The following STK3 variants were observed in gnomAD, a reference collection of about 807,000 sequenced individuals.
STK3 encodes serine/threonine kinase 3.
A neutral mutation model predicts 58.0 loss-of-function variants in STK3; 41 were observed. The ratio of observed to expected loss-of-function variants is 0.71; its 90% CI spans 0.55 to 0.92. STK3 has a LOEUF of 0.92. Ranked by LOEUF, STK3 falls within the 40% of genes least tolerant of loss-of-function variation. STK3 has a pLI of 0.00. For synonymous variants in STK3, 170 were observed against 191.0 expected (o/e 0.89, Z 0.91); for missense variants, 479 against 602.7 (o/e 0.79, Z 2.15).
intron 3 of STK3, among the ~76,000 whole-genome samples, chr8:98,843,937 A>T (rs1018474430): frequency 6.6e-6 from 1 of 152,236 alleles, no homozygotes; most frequent in African/African-American, 2.4e-5. Context: ...GAGTGGGAGT[A>T]TCGCTTGAGC....
At chr8:98,419,825 T>G (rs960122467) in intron 3 of STK3, among the ~76,000 whole-genome samples, 5 of 152,292 alleles carry the variant, frequency 3.3e-5, no homozygotes, top group African/African-American at 1.2e-4. Flanking sequence ...AGAGGTGAAG[T>G]CTGCCACTTT....
intron 9 of STK3, among the ~76,000 whole-genome samples, chr8:98,544,994 C>T (rs182936720): frequency 5.9e-5 from 9 of 152,236 alleles, no homozygotes; most frequent in South Asian, 2.1e-4. Context: ...CTGAGTAGAT[C>T]TGAGCTGAAC....
At chr8:98,554,880 T>C (rs899631483) in intron 8 of STK3, among the ~76,000 whole-genome samples, 7 of 152,150 alleles carry the variant, frequency 4.6e-5, no homozygotes, top group Non-Finnish European at 7.4e-5. Context: ...TAATGAAACA[T>C]TTATGTTTTT....
In STK3 at chr8:98,613,304, T is replaced by C. The variant is rs73275885; in HGVS notation, c.685-17135A>G. Among the ~76,000 whole-genome samples the C allele has an allele frequency of 6.4e-3, 981 of 152,140 alleles. 6 individuals carry two copies. The highest frequency in any genetic ancestry group is 0.024 in the Middle Eastern group (7 of 294). ...AATATAATGGGGAAATAGGTCCTGT[T>C]TTCAACCAAAAATTACTCATCAGAC... On this transcript the variant is annotated intron_variant, in intron 6 of 10. Transcript: ENST00000419617.
At chr8:98,583,885 G>C (rs1426965772) in intron 7 of STK3, among the ~76,000 whole-genome samples, 1 of 151,768 alleles carries the variant, frequency 6.6e-6, no homozygotes, top group Non-Finnish European at 1.5e-5. Context: ...AAGAGAGACA[G>C]AGAGAAGAAA....
chr8:98,537,898 G>A (rs1419717245), intron 9 of STK3, among the ~76,000 whole-genome samples: 6 of 151,998 alleles, frequency 3.9e-5, no homozygotes, highest in Admixed American at 2.6e-4. Flanking sequence ...TAAATTGTGA[G>A]AAATATAATA....
intron 10 of STK3, among the ~76,000 whole-genome samples, chr8:98,480,159 G>C (rs146126483): frequency 6.6e-6 from 1 of 152,086 alleles, no homozygotes; most frequent in African/African-American, 2.4e-5. Flanking sequence ...GCTAAAAACA[G>C]TCCTAAATTT....
At chr8:98,407,818 G>GA (rs1818013580) in intron 3 of STK3, among the ~76,000 whole-genome samples, 1 of 152,018 alleles carries the variant, frequency 6.6e-6, no homozygotes, top group South Asian at 2.1e-4. Context: ...CTGATTGAGG[G>GA]AAAAGCTTTA....
chr8:98,400,630 C>A (rs1817933028), downstream of STK3, among the ~76,000 whole-genome samples: 1 of 152,190 alleles, frequency 6.6e-6, no homozygotes, highest in Non-Finnish European at 1.5e-5. Flanking sequence ...TAACATTTTT[C>A]TTTCTGGCTT....
Position 98,651,266 on chromosome 8 carries a change from C to T in STK3, c.685-55097G>A, listed in dbSNP as rs377754315. On this transcript the variant is annotated intron_variant, in intron 6 of 10. Transcript: ENST00000419617. ...TGGACCTCTAGCAAACTCCAACACA[C>T]CTGCAGCTGAGGGTCCTGTCTGTAG... is the stretch of plus-strand genomic sequence containing the variant. Among the ~76,000 whole-genome samples, 10 of 152,342 alleles carry T rather than the reference C, an allele frequency of 6.6e-5. No homozygotes were observed. In the East Asian group the frequency reaches 1.3e-3, roughly 21 times the overall value.
intron 1 of STK3, among the ~76,000 whole-genome samples, chr8:98,912,705 G>C (rs938982347): frequency 1.3e-5 from 2 of 152,188 alleles, no homozygotes; most frequent in Non-Finnish European, 2.9e-5. Flanking sequence ...GGGGTAAAGA[G>C]AGACCAGGGA....
rs534323963 is a variant in STK3 at position 98,522,372 on chromosome 8, A to G, written c.1317+4370T>C. Among the ~76,000 whole-genome samples, 70 of 152,180 alleles carry G rather than the reference A, an allele frequency of 4.6e-4. 1 individual carries two copies. The Middle Eastern group carries it at 0.031, about 67-fold the overall frequency. ...ATTGTCTGCAAAGTATACTGTAATA[A>G]TTCCTTCCATCTCATAGCACCCTTT... On this transcript the variant is annotated intron_variant, in intron 10 of 10. Coordinates refer to ENST00000419617, the MANE Select transcript of STK3 (RefSeq NM_006281.4).
intron 6 of STK3, among the ~76,000 whole-genome samples, chr8:98,684,772 T>C (rs868235474): frequency 2.0e-5 from 3 of 152,186 alleles, no homozygotes; most frequent in African/African-American, 7.2e-5. Context: ...TTCCAACACC[T>C]GGTTCAGTAA....
rs1046078329 is a variant in STK3 at position 98,698,498 on chromosome 8, G to A, written c.684+7969C>T. 3.2e-3 allele frequency among the ~76,000 whole-genome samples: 481 copies of A among 152,256 alleles called. 4 individuals carry two copies. The highest frequency in any genetic ancestry group is 0.01 in the African/African-American group (430 of 41,550). ...ATTTGGCATGATTTTGCAGTGGCTG[G>A]TACCGGTTGTTCCTTTCCATGTTTA... On this transcript the variant is annotated intron_variant, in intron 6 of 10. Coordinates refer to ENST00000419617, the MANE Select transcript of STK3 (RefSeq NM_006281.4).
chr8:98,521,734 C>G (rs1307598591), intron 10 of STK3, among the ~76,000 whole-genome samples: 4 of 152,132 alleles, frequency 2.6e-5, no homozygotes, highest in Non-Finnish European at 5.9e-5. Flanking sequence ...TTCATTGCCA[C>G]CCAACACAGA....
At chr8:98,403,853 C>T (rs1013368748) in intron 3 of STK3, among the ~76,000 whole-genome samples, 3 of 152,220 alleles carry the variant, frequency 2.0e-5, no homozygotes, top group African/African-American at 7.2e-5. Flanking sequence ...GGTGGGGCAC[C>T]CTCAGCCTCT....
chr8:98,688,017 T>C (rs537801819), intron 6 of STK3, among the ~76,000 whole-genome samples: 18 of 152,252 alleles, frequency 1.2e-4, no homozygotes, highest in Non-Finnish European at 1.8e-4. Flanking sequence ...TCCCTCTTTC[T>C]CTTATCTGCA....
chr8:98,530,345 T>C (rs1826080237), intron 9 of STK3, among the ~76,000 whole-genome samples: 1 of 152,154 alleles, frequency 6.6e-6, no homozygotes, highest in Admixed American at 6.5e-5. Flanking sequence ...CAGTGTGTGT[T>C]GTTCCCCAGA....
At chr8:98,868,968 C>A (rs1436221230) in intron 3 of STK3, among the ~76,000 whole-genome samples, 2 of 137,858 alleles carry the variant, frequency 1.5e-5, no homozygotes, top group South Asian at 2.3e-4. Context: ...CAGCATGAGA[C>A]CTTGACTCAA....
Sources: allele counts gnomAD v4.1 joint callset (sites outside exome capture counted in the v4.1 genomes callset), GRCh38; gene constraint gnomAD v4.1.1; transcripts MANE v1.5; gene names NCBI Gene and HGNC (gene_info 2026-07-23, HGNC 2026-07-21).